ACO1: variants seen among roughly 807,000 people sequenced by gnomAD.
ACO1 encodes the protein cytoplasmic aconitate hydratase.
Under a neutral mutation model 105.1 loss-of-function variants are expected in ACO1, and 78 were observed. The ratio of observed to expected loss-of-function variants is 0.74; its 90% CI spans 0.62 to 0.90. ACO1 has a LOEUF of 0.90. ACO1 is among the 40% of genes least tolerant of loss of function. ACO1 has a pLI of 0.00. For synonymous variants in ACO1, 364 were observed against 397.4 expected (o/e 0.92, Z 1.00); for missense variants, 965 against 1,111.1 (o/e 0.87, Z 1.87).
chr9:32,424,740 TC>T, intron 10 of ACO1, 75 bp downstream of exon 10: 1 of 993,536 alleles, frequency 1.0e-6, no homozygotes, highest in East Asian at 2.4e-5. Flanking sequence ...CAGGCTTTCA[TC>T]CCACTTGACA....
intron 1 of ACO1, among the ~76,000 whole-genome samples, chr9:32,402,620 G>T (rs1326440446): frequency 6.6e-6 from 1 of 152,160 alleles, no homozygotes; most frequent in Non-Finnish European, 1.5e-5. Flanking sequence ...AATACTCAAG[G>T]ATTAGGGATG....
intron 1 of ACO1, among the ~76,000 whole-genome samples, chr9:32,390,802 G>A (rs1029379699): frequency 4.6e-5 from 7 of 152,242 alleles, no homozygotes; most frequent in South Asian, 4.1e-4. Context: ...ATATAAAAAC[G>A]TAGCTTTCTA....
intron 1 of ACO1, among the ~76,000 whole-genome samples, chr9:32,398,583 T>TG (rs532975700): frequency 1.3e-5 from 2 of 151,812 alleles, no homozygotes; most frequent in South Asian, 4.2e-4. Flanking sequence ...CTTTGTTTTT[T>TG]TTTGTTTGTT....
rs892171466 is a variant in ACO1, at chr9:32,454,176, C to G, written c.*4065C>G. On this transcript the variant is annotated 3_prime_UTR_variant, in exon 21 of 21. Transcript: ENST00000309951. ...GGGTTTTATCACTGCAGAACAGACA[C>G]AAGAACAATGTGTGCTGTAAATCAC... The G allele has an allele frequency of 1.3e-5, 2 of 152,184 alleles. No individual in the cohort carries two copies. The highest frequency in any genetic ancestry group is 2.4e-5 in the African/African-American group (1 of 41,432). 9.4% of individuals were successfully genotyped at this position (152,184 alleles called of 1,614,324 possible).
intron 4 of ACO1, among the ~76,000 whole-genome samples, chr9:32,413,246 G>A (rs1288019096): frequency 6.6e-6 from 1 of 152,086 alleles, no homozygotes; most frequent in East Asian, 1.9e-4. Context: ...AGCACTTTGG[G>A]AGGCCAAGGC....
intron 4 of ACO1, among the ~76,000 whole-genome samples, chr9:32,413,194 G>C (rs1313502767): frequency 6.6e-6 from 1 of 152,084 alleles, no homozygotes; most frequent in Non-Finnish European, 1.5e-5. Context: ...TATAAAATCA[G>C]AGTGAACACT....
Position 32,407,313 on chromosome 9 carries a change from T to C in ACO1, c.150T>C (p.Cys50=). Residue 50 remains cysteine (C), a synonymous_variant, in exon 3 of 21, where the codon TGT becomes TGC. Transcript: ENST00000309951. ...TTCTGGAAGCAGCCATTCGGAATTG[T>C]GATGAGTTTTTGGTGAAGAAACAGG... ...RVLLEAAIRN[C]DEFLVKKQDI... 1.9e-6 allele frequency: 3 copies of C among 1,614,144 alleles called. No individual in the cohort carries two copies. The highest frequency in any genetic ancestry group is 1.3e-5 in the African/African-American group (1 of 75,020).
At chr9:32,441,419 G>T (rs2118557969) in intron 19 of ACO1, among the ~76,000 whole-genome samples, 1 of 152,226 alleles carries the variant, frequency 6.6e-6, no homozygotes, top group Non-Finnish European at 1.5e-5. Context: ...GAAACACTAA[G>T]TTCATATCCA....
At chr9:32,438,406 T>C (rs1372666046) in intron 18 of ACO1, among the ~76,000 whole-genome samples, 1 of 152,104 alleles carries the variant, frequency 6.6e-6, no homozygotes, top group Non-Finnish European at 1.5e-5. Context: ...CCCAGGATGC[T>C]AGTGAAGGAA....
chr9:32,385,387 A>G (rs1251183836), intron 1 of ACO1, among the ~76,000 whole-genome samples: 1 of 152,206 alleles, frequency 6.6e-6, no homozygotes, highest in African/African-American at 2.4e-5. Context: ...GAAGTCCCCA[A>G]ACTTTTCTGG....
chr9:32,400,128 G>GC (rs1323955677), intron 1 of ACO1, among the ~76,000 whole-genome samples: 6 of 151,796 alleles, frequency 4.0e-5, no homozygotes, highest in African/African-American at 1.5e-4. Flanking sequence ...GTGCCACCAT[G>GC]CCCGGCTAAT....
At position 32,453,499 on chromosome 9, in the gene ACO1, T is replaced by G. The variant is rs1199416832; in HGVS notation, c.*3388T>G. 2 of 152,170 alleles carry G rather than the reference T, an allele frequency of 1.3e-5. No individual in the cohort carries two copies. The highest frequency in any genetic ancestry group is 4.8e-5 in the African/African-American group (2 of 41,424). 9.4% of individuals were successfully genotyped at this position (152,170 alleles called of 1,614,324 possible). A position where few individuals can be genotyped will look rare whatever the true frequency, so the allele number is the denominator to read the frequency against. ...TCCCTCCACCAATCATACCTTCTGTTGGCCTCTGCAGTAGAGTGGCCTCTT... is the reference window on the plus strand; with the variant it reads ...TCCCTCCACCAATCATACCTTCTGTGGGCCTCTGCAGTAGAGTGGCCTCTT... On this transcript the variant is annotated 3_prime_UTR_variant, in exon 21 of 21. Transcript: ENST00000309951.
At chr9:32,413,342 G>C (rs992316794) in intron 4 of ACO1, among the ~76,000 whole-genome samples, 1 of 151,938 alleles carries the variant, frequency 6.6e-6, no homozygotes, top group Non-Finnish European at 1.5e-5. Context: ...AAATTAGCCG[G>C]GCATGGTGGT....
intron 19 of ACO1, chr9:32,445,577 TTG>T (rs1486615048): frequency 1.9e-5 from 6 of 308,308 alleles, no homozygotes; most frequent in African/African-American, 1.4e-4. Context: ...ATTCATTGAT[TTG>T]ATTTTTTGAA....
Position 32,430,289 on chromosome 9 carries a change from G to T in ACO1, c.1570-129G>T, listed in dbSNP as rs545634587. ...AGTGTACCCTTCTCCCCTCTAGTGG[G>T]AGAGAACCAAGTGAAAGGGCAGCTT... On this transcript the variant is annotated intron_variant, in intron 13 of 20. Transcript: ENST00000309951. 7.8e-6 allele frequency: 7 copies of T among 901,954 alleles called. No homozygotes were observed. The East Asian group carries it at 1.9e-4, about 24-fold the overall frequency. 55.9% of individuals were successfully genotyped at this position (901,954 alleles called of 1,614,324 possible). A position where few individuals can be genotyped will look rare whatever the true frequency, so the allele number is the denominator to read the frequency against.
At chr9:32,404,488 G>T (rs553667779) in intron 1 of ACO1, among the ~76,000 whole-genome samples, 75 of 152,192 alleles carry the variant, frequency 4.9e-4, no homozygotes, top group African/African-American at 1.7e-3. Flanking sequence ...TATAAGCCAA[G>T]AATTCATATA....
chr9:32,405,039 A>C (rs1015406366), intron 1 of ACO1, among the ~76,000 whole-genome samples: 1 of 152,204 alleles, frequency 6.6e-6, no homozygotes, highest in African/African-American at 2.4e-5. Flanking sequence ...AAGGAAGTTG[A>C]TTGGGCCAGA....
chr9:32,445,559 G>T, intron 19 of ACO1: 1 of 287,558 alleles, frequency 3.5e-6, no homozygotes, highest in South Asian at 2.8e-5. Context: ...CAAAAAACCA[G>T]CTCCTGGATT....
Position 32,453,070 on chromosome 9 carries a change from C to T in ACO1, c.*2959C>T, listed in dbSNP as rs934155666. ...TTTACCTGGTTCTTTAAGGGCTGCT[C>T]GTCTTACTATCCAAATTAAAAATCT... On this transcript the variant is annotated 3_prime_UTR_variant, in exon 21 of 21. Coordinates refer to ENST00000309951, the MANE Select transcript of ACO1 (RefSeq NM_002197.3). The T allele has an allele frequency of 2.0e-5, 3 of 150,118 alleles. No homozygotes were observed. The highest frequency in any genetic ancestry group is 3.0e-5 in the Non-Finnish European group (2 of 67,580). 9.3% of individuals were successfully genotyped at this position (150,118 alleles called of 1,614,324 possible).
Sources: allele counts gnomAD v4.1 joint callset (sites outside exome capture counted in the v4.1 genomes callset), GRCh38; gene constraint gnomAD v4.1.1; transcripts MANE v1.5; gene names NCBI Gene and HGNC (gene_info 2026-07-23, HGNC 2026-07-21).